EYS: variants seen among roughly 807,000 people sequenced by gnomAD.
EYS encodes the protein protein eyes shut homolog.
EYS carries 250 observed loss-of-function variants against 282.1 expected under a neutral mutation model. The ratio of observed to expected loss-of-function variants is 0.89; its 90% CI spans 0.80 to 0.98. The LOEUF (loss-of-function observed/expected upper bound fraction) is 0.98. Ranked by LOEUF, EYS falls within the 50% of genes least tolerant of loss-of-function variation. EYS has a pLI of 0.00. For synonymous variants in EYS, 1,355 were observed against 1,282.9 expected, an observed-to-expected ratio of 1.06 and a Z score of -1.20; for missense variants, 4,016 against 3,709.0, an observed-to-expected ratio of 1.08 and a Z score of -2.15.
chr6:64,118,172 C>T (rs1334040811), intron 31 of EYS, among the ~76,000 whole-genome samples: 5 of 152,044 alleles, frequency 3.3e-5, no homozygotes, highest in South Asian at 2.1e-4. Context: ...TGACATTCTT[C>T]ACAGAAATAG....
chr6:64,545,679 G>C (rs1468086696), intron 26 of EYS, among the ~76,000 whole-genome samples: 1 of 152,126 alleles, frequency 6.6e-6, no homozygotes, highest in East Asian at 1.9e-4. Context: ...AAAGTCTCAG[G>C]ATACAAAATC....
intron 2 of EYS, among the ~76,000 whole-genome samples, chr6:65,618,037 G>A (rs1485079458): frequency 6.6e-6 from 1 of 152,180 alleles, no homozygotes; most frequent in Non-Finnish European, 1.5e-5. Flanking sequence ...GTTTATAGCA[G>A]CATGATTTAT....
intron 12 of EYS, among the ~76,000 whole-genome samples, chr6:65,292,026 G>A (rs972842052): frequency 1.3e-5 from 2 of 151,668 alleles, no homozygotes; most frequent in Admixed American, 1.3e-4. Context: ...TGGGATAAGT[G>A]ATACCAACAA....
intron 1 of EYS, among the ~76,000 whole-genome samples, chr6:65,670,620 A>G (rs1768362438): frequency 6.6e-6 from 1 of 152,046 alleles, no homozygotes; most frequent in Non-Finnish European, 1.5e-5. Context: ...AAATTTGAAC[A>G]ATTGATAATG....
intron 13 of EYS, among the ~76,000 whole-genome samples, chr6:65,009,578 C>T (rs1583393118): frequency 6.6e-6 from 1 of 152,266 alleles, no homozygotes; most frequent in Non-Finnish European, 1.5e-5. Flanking sequence ...GACTGTTTTA[C>T]CCCAAGGGTT....
intron 36 of EYS, among the ~76,000 whole-genome samples, chr6:63,850,873 G>A (rs1010986438): frequency 2.0e-5 from 3 of 152,166 alleles, no homozygotes; most frequent in Admixed American, 1.3e-4. Flanking sequence ...AAAAGACACA[G>A]ACTGGCAAAT....
intron 8 of EYS, among the ~76,000 whole-genome samples, chr6:65,360,700 T>A (rs1032197245): frequency 1.3e-5 from 2 of 152,104 alleles, no homozygotes; most frequent in African/African-American, 4.8e-5. Flanking sequence ...CCAACTGTTA[T>A]GCTAAAAAGA....
chr6:64,820,559 A>G (rs920165960), intron 21 of EYS, among the ~76,000 whole-genome samples: 1 of 152,184 alleles, frequency 6.6e-6, no homozygotes, highest in African/African-American at 2.4e-5. Flanking sequence ...AGAACAAAAT[A>G]AACACAATAT....
At chr6:64,539,424 A>G (rs865969297) in intron 26 of EYS, among the ~76,000 whole-genome samples, 1 of 152,058 alleles carries the variant, frequency 6.6e-6, no homozygotes, top group South Asian at 2.1e-4. Flanking sequence ...AAAATAAAAT[A>G]ATCATCTGGG....
chr6:64,504,134 G>T (rs1367848600), intron 26 of EYS, among the ~76,000 whole-genome samples: 2 of 152,106 alleles, frequency 1.3e-5, no homozygotes, highest in Non-Finnish European at 2.9e-5. Flanking sequence ...ACTAAAAGAA[G>T]GGCCTTGACA....
chr6:63,814,130 T>C (rs143304313), intron 36 of EYS, among the ~76,000 whole-genome samples: 123 of 152,366 alleles, frequency 8.1e-4, no homozygotes, highest in African/African-American at 2.7e-3. Flanking sequence ...TTGTTGTTTC[T>C]GTTTTTTGTT....
intron 5 of EYS, among the ~76,000 whole-genome samples, chr6:65,433,084 C>T (rs989622847): frequency 2.1e-4 from 32 of 152,090 alleles, no homozygotes; most frequent in Admixed American, 1.5e-3. Flanking sequence ...ATTAAGGAAA[C>T]ACATCAAGTG....
At chr6:64,871,476 G>A (rs1198876269) in intron 19 of EYS, among the ~76,000 whole-genome samples, 1 of 151,910 alleles carries the variant, frequency 6.6e-6, no homozygotes, top group South Asian at 2.1e-4. Context: ...TTTTAGGCCT[G>A]AAATTAATGC....
chr6:64,255,211 C>G (rs1555224), intron 30 of EYS, among the ~76,000 whole-genome samples: 104,647 of 151,784 alleles, frequency 0.69, 36,080 homozygotes, highest in South Asian at 0.71. Context: ...TTATGAGTAA[C>G]AGGTGTGAAA....
At chr6:65,352,836 C>T (rs1004749981) in intron 9 of EYS, among the ~76,000 whole-genome samples, 1 of 151,758 alleles carries the variant, frequency 6.6e-6, no homozygotes, top group Non-Finnish European at 1.5e-5. Context: ...CTGGCTTTAC[C>T]CCCTCCATGG....
intron 28 of EYS, among the ~76,000 whole-genome samples, chr6:64,389,811 G>A (rs1171918156): frequency 6.6e-6 from 1 of 152,182 alleles, no homozygotes; most frequent in Admixed American, 6.5e-5. Context: ...ACAGCTCCCA[G>A]CGTGAGCGAC....
intron 22 of EYS, among the ~76,000 whole-genome samples, chr6:64,688,082 A>AT (rs1770225536): frequency 6.6e-6 from 1 of 151,200 alleles, no homozygotes; most frequent in Non-Finnish European, 1.5e-5. Context: ...CCCCTTTATC[A>AT]TTTTTTATTG....
At chr6:63,743,874 C>T (rs960646729) in intron 41 of EYS, among the ~76,000 whole-genome samples, 4 of 152,178 alleles carry the variant, frequency 2.6e-5, no homozygotes, top group African/African-American at 9.7e-5. Flanking sequence ...TGAACTCTGG[C>T]ACTTTGATGT....
chr6:64,113,531 T>C (rs1229485517), intron 31 of EYS, among the ~76,000 whole-genome samples: 3 of 152,302 alleles, frequency 2.0e-5, no homozygotes, highest in East Asian at 3.9e-4. Flanking sequence ...TTTGCACTTA[T>C]AGAATAAGAA....
Sources: allele counts gnomAD v4.1 joint callset (sites outside exome capture counted in the v4.1 genomes callset), GRCh38; gene constraint gnomAD v4.1.1; transcripts MANE v1.5; gene names NCBI Gene and HGNC (gene_info 2026-07-23, HGNC 2026-07-21).